Variants in PIP4P2 observed in about 807,000 individuals in gnomAD.
The protein encoded by PIP4P2 is type 2 phosphatidylinositol 4,5-bisphosphate 4-phosphatase.
PIP4P2 carries 19 observed loss-of-function variants against 33.3 expected under a neutral mutation model. The observed-to-expected ratio is 0.57, with a 90% CI of 0.40 to 0.84. The LOEUF (loss-of-function observed/expected upper bound fraction) is 0.84. Ranked by LOEUF, PIP4P2 falls within the 40% of genes least tolerant of loss-of-function variation. The pLI is 0.00. For missense variants in PIP4P2, 270 were observed against 324.7 expected (o/e 0.83, Z 1.29); for synonymous variants, 110 against 111.9 (o/e 0.98, Z 0.11).
intron 4 of PIP4P2, among the ~76,000 whole-genome samples, chr8:91,011,106 T>C (rs1474718641): frequency 6.6e-6 from 1 of 151,894 alleles, no homozygotes; most frequent in African/African-American, 2.4e-5. Flanking sequence ...CTTTGAAATA[T>C]GTTCAAGTTA....
intron 1 of PIP4P2, among the ~76,000 whole-genome samples, chr8:91,035,706 A>G (rs76054094): frequency 0.048 from 7,349 of 152,240 alleles, 268 homozygotes; most frequent in African/African-American, 0.098. Context: ...CACAGAGAAA[A>G]TGACAATATG....
chr8:91,031,356 C>T (rs1221024021), intron 1 of PIP4P2, among the ~76,000 whole-genome samples: 1 of 152,206 alleles, frequency 6.6e-6, no homozygotes, highest in African/African-American at 2.4e-5. Flanking sequence ...TTTAAGTCTA[C>T]TCACTATCAT....
intron 5 of PIP4P2, among the ~76,000 whole-genome samples, chr8:91,007,997 C>A (rs1309947310): frequency 1.3e-5 from 2 of 152,064 alleles, no homozygotes. Flanking sequence ...CTGGGAGGGG[C>A]CCCTTGGAAT....
intron 1 of PIP4P2, among the ~76,000 whole-genome samples, chr8:91,028,132 C>T (rs1812108063): frequency 6.6e-6 from 1 of 152,138 alleles, no homozygotes; most frequent in South Asian, 2.1e-4. Flanking sequence ...TTTTGAGCCA[C>T]AGGACTTTTG....
At chr8:91,040,561 A>T in intron 1 of PIP4P2, 83 bp downstream of exon 1, 2 of 1,499,664 alleles carry the variant, frequency 1.3e-6, no homozygotes, top group Non-Finnish European at 1.8e-6. Flanking sequence ...CCTCCAAGCT[A>T]GAGCTCCCAG....
chr8:91,034,635 A>G (rs967512587), intron 1 of PIP4P2, among the ~76,000 whole-genome samples: 2 of 152,204 alleles, frequency 1.3e-5, no homozygotes, highest in Admixed American at 1.3e-4. Flanking sequence ...GGGGAGCTTC[A>G]GGAAGCTGCT....
chr8:91,006,740 G>A (rs555284466), intron 5 of PIP4P2, among the ~76,000 whole-genome samples: 1 of 152,154 alleles, frequency 6.6e-6, no homozygotes, highest in Non-Finnish European at 1.5e-5. Context: ...AGGCTGAGAC[G>A]GGTGAATCAC....
At chr8:91,003,952 TA>T (rs1034803074) in intron 5 of PIP4P2, among the ~76,000 whole-genome samples, 2 of 57,356 alleles carry the variant, frequency 3.5e-5, no homozygotes, top group South Asian at 4.3e-4. Context: ...CAACAGGAGA[TA>T]GATAGATAGA....
At chr8:91,016,538 A>G (rs1321400696) in intron 4 of PIP4P2, 1 of 152,218 alleles carries the variant, frequency 6.6e-6, no homozygotes, top group East Asian at 1.9e-4. Context: ...AAAGGTGACA[A>G]CTGGCAACCT....
chr8:91,039,804 G>A (rs542677419), intron 1 of PIP4P2, among the ~76,000 whole-genome samples: 17 of 152,010 alleles, frequency 1.1e-4, no homozygotes, highest in Admixed American at 3.3e-4. Context: ...AACAACGATC[G>A]ATTTTTAAAT....
Position 91,020,264 on chromosome 8 carries a change from C to A in PIP4P2, c.256-1G>T, listed in dbSNP as rs1214694624. ...TGCCTGTTGGGGGGTTTTTGATTGG[C>A]TGGATAAGGGAAGAAAATGCAAACA... On this transcript the variant is annotated splice_acceptor_variant, in intron 2 of 6. Coordinates refer to ENST00000285419, the MANE Select transcript of PIP4P2 (RefSeq NM_018710.3). LOFTEE classifies it high-confidence loss of function. 1 of 1,613,214 alleles carries A rather than the reference C, an allele frequency of 6.2e-7. No individual in the cohort carries two copies. The highest frequency in any genetic ancestry group is 8.5e-7 in the Non-Finnish European group (1 of 1,179,596).
intron 1 of PIP4P2, among the ~76,000 whole-genome samples, chr8:91,037,886 A>C (rs942240647): frequency 1.3e-5 from 2 of 152,210 alleles, no homozygotes; most frequent in Non-Finnish European, 2.9e-5. Flanking sequence ...CAATTAATAC[A>C]TCAAAACTGT....
Position 91,030,932 on chromosome 8 carries a change from C to T in PIP4P2, c.107-9528G>A, listed in dbSNP as rs75989840. Among the ~76,000 whole-genome samples, 794 of 152,308 alleles carry T rather than the reference C, an allele frequency of 5.2e-3. 5 individuals are homozygous for T. The highest frequency in any genetic ancestry group is 0.018 in the African/African-American group (742 of 41,578). ...TGGTTTTACAAAAAAGCCACAACTT[C>T]TTTGGCACTGCTCCCATTGAGAGGT... On this transcript the variant is annotated intron_variant, in intron 1 of 6. Transcript: ENST00000285419.
chr8:90,996,374 AT>A (rs930041380), intron 6 of PIP4P2, among the ~76,000 whole-genome samples: 7 of 151,530 alleles, frequency 4.6e-5, no homozygotes, highest in African/African-American at 7.3e-5. Context: ...TCTGGCACTG[AT>A]TTTTTTTTAA....
intron 5 of PIP4P2, among the ~76,000 whole-genome samples, chr8:91,006,752 C>T (rs1365408956): frequency 2.0e-5 from 3 of 152,062 alleles, no homozygotes; most frequent in Non-Finnish European, 2.9e-5. Flanking sequence ...GTGAATCACC[C>T]GAGGTCAGGA....
intron 1 of PIP4P2, among the ~76,000 whole-genome samples, chr8:91,035,304 C>T (rs768786972): frequency 6.6e-6 from 1 of 152,106 alleles, no homozygotes; most frequent in Non-Finnish European, 1.5e-5. Flanking sequence ...AATAAAGGTA[C>T]ATTGGAATAT....
chr8:91,007,737 T>A (rs952402583), intron 5 of PIP4P2, among the ~76,000 whole-genome samples: 4 of 152,188 alleles, frequency 2.6e-5, no homozygotes, highest in African/African-American at 9.6e-5. Flanking sequence ...AAATTTAGAT[T>A]TGGGGAGAAT....
intron 5 of PIP4P2, among the ~76,000 whole-genome samples, chr8:91,001,538 T>C (rs889510201): frequency 7.2e-5 from 11 of 152,064 alleles, no homozygotes; most frequent in African/African-American, 2.4e-4. Context: ...ATTCAATTCA[T>C]CCAAGCTGTT....
intron 5 of PIP4P2, among the ~76,000 whole-genome samples, chr8:90,997,343 TCTA>T (rs1811642183): frequency 6.6e-6 from 1 of 152,100 alleles, no homozygotes; most frequent in South Asian, 2.1e-4. Context: ...TAAAAAATTT[TCTA>T]CTATTGTACA....
Sources: gnomAD v4.1 joint callset for allele counts (sites outside exome capture counted in the v4.1 genomes callset) on GRCh38, gnomAD v4.1.1 for gene constraint, MANE v1.5 for transcripts, NCBI Gene and HGNC (gene_info 2026-07-23, HGNC 2026-07-21) for gene names.